SH3D19: variants seen among roughly 807,000 people sequenced by gnomAD.
The protein encoded by SH3D19 is SH3 domain-containing protein 19.
SH3D19 carries 58 observed loss-of-function variants against 112.1 expected under a neutral mutation model. That is an observed-to-expected ratio of 0.52 (90% confidence interval 0.42 to 0.64). SH3D19 has a LOEUF of 0.64. SH3D19 is among the 30% of genes least tolerant of loss of function. SH3D19 has a pLI of 0.00. For missense variants in SH3D19, 1,090 were observed against 1,263.4 expected, an observed-to-expected ratio of 0.86 and a Z score of 2.08; for synonymous variants, 391 against 448.5, an observed-to-expected ratio of 0.87 and a Z score of 1.62.
intron 2 of SH3D19, among the ~76,000 whole-genome samples, chr4:151,210,669 G>A (rs1765827351): frequency 1.3e-5 from 2 of 152,060 alleles, no homozygotes; most frequent in South Asian, 4.1e-4. Flanking sequence ...CCAAAGTGCT[G>A]GGATTACAGG....
At chr4:151,210,383 CTT>C (rs1245871220) in intron 2 of SH3D19, among the ~76,000 whole-genome samples, 2 of 149,962 alleles carry the variant, frequency 1.3e-5, no homozygotes, top group African/African-American at 4.9e-5. Context: ...TGAAAAGAAA[CTT>C]ATATATATCA....
intron 12 of SH3D19, among the ~76,000 whole-genome samples, chr4:151,141,793 A>T (rs1258413349): frequency 1.3e-5 from 2 of 152,238 alleles, no homozygotes; most frequent in Non-Finnish European, 2.9e-5. Context: ...TTTGGAAAAA[A>T]TGATGTCAGA....
intron 2 of SH3D19, among the ~76,000 whole-genome samples, chr4:151,214,249 A>G (rs1245590966): frequency 6.6e-6 from 1 of 151,688 alleles, no homozygotes; most frequent in African/African-American, 2.4e-5. Context: ...ACAAAATGAA[A>G]AGTCTCCCAT....
At chr4:151,195,053 G>A (rs557595244) in intron 2 of SH3D19, among the ~76,000 whole-genome samples, 90 of 134,600 alleles carry the variant, frequency 6.7e-4, no homozygotes, top group African/African-American at 1.8e-3. Context: ...CAGCCTAGGC[G>A]ACAAAGGAAG....
At position 151,286,415 on chromosome 4, in the gene SH3D19, T is replaced by C. The variant is rs780053036; in HGVS notation, c.112+38826A>G. ...GTTAAAAATAAAACTGGGACATTAC[T>C]ACCAACCTTACAGAAATAAAAAGAA... is the stretch of plus-strand genomic sequence containing the variant. On this transcript the variant is annotated intron_variant, in intron 1 of 19. Transcript: ENST00000604030. 4.1e-4 allele frequency among the ~76,000 whole-genome samples: 62 copies of C among 150,912 alleles called. No homozygotes were observed. In the Middle Eastern group the frequency reaches 0.01, roughly 25 times the overall value.
intron 9 of SH3D19, among the ~76,000 whole-genome samples, chr4:151,150,661 A>C (rs2149782227): frequency 6.6e-6 from 1 of 152,290 alleles, no homozygotes; most frequent in South Asian, 2.1e-4. Context: ...TTCGTAGAAA[A>C]GAGGAAAAGA....
chr4:151,123,019 T>G (rs1304187959), intron 19 of SH3D19, among the ~76,000 whole-genome samples: 2 of 151,994 alleles, frequency 1.3e-5, no homozygotes, highest in Non-Finnish European at 2.9e-5. Flanking sequence ...GTCCAGCTAT[T>G]TTTTGTATTT....
rs924407129 is a variant in SH3D19 at position 151,157,440 on chromosome 4, C to A, written c.1755+1800G>T. Among the ~76,000 whole-genome samples the A allele has an allele frequency of 3.9e-3, 449 of 115,398 alleles. 3 individuals carry two copies. The highest frequency in any genetic ancestry group is 6.3e-3 in the Non-Finnish European group (308 of 48,540). 75.7% of individuals were successfully genotyped at this position (115,398 alleles called of 152,430 possible). A position where few individuals can be genotyped will look rare whatever the true frequency, so the allele number is the denominator to read the frequency against. On this transcript the variant is annotated intron_variant, in intron 9 of 19. Transcript: ENST00000604030. ...TTATCTAAAAGATAAAAAAAAAAAA[C>A]AAATGCTGGCAAGAATGCAGAGAAG...
Position 151,174,719 on chromosome 4 carries a change from G to C in SH3D19, c.1485C>G (p.Thr495=). 1 of 1,514,260 alleles carries C rather than the reference G, an allele frequency of 6.6e-7. No homozygotes were observed. The highest frequency in any genetic ancestry group is 8.8e-7 in the Non-Finnish European group (1 of 1,133,220). 93.8% of individuals were successfully genotyped at this position (1,514,260 alleles called of 1,614,324 possible). The change falls in exon 7 of 20, where the codon ACC becomes ACG. Residue 495 remains threonine (T), a synonymous_variant. Transcript: ENST00000604030. ...LISFDDDVLP[T]PSGNLAEESV... ...ATTCTTCAGCCAGGTTCCCCGATGG[G>C]GTGGGCAAAACATCATCATCAAAGC... is the stretch of plus-strand genomic sequence containing the variant.
At chr4:151,215,917 C>A (rs1767006598) in intron 2 of SH3D19, among the ~76,000 whole-genome samples, 1 of 152,078 alleles carries the variant, frequency 6.6e-6, no homozygotes, top group African/African-American at 2.4e-5. Flanking sequence ...CCTCTGCCTC[C>A]CGGGTTCAAG....
intron 1 of SH3D19, among the ~76,000 whole-genome samples, chr4:151,324,785 A>AG (rs933088606): frequency 1.3e-4 from 6 of 46,352 alleles, no homozygotes; most frequent in African/African-American, 3.4e-4. Context: ...GGAGGGAGGG[A>AG]GGGGGGTCAC....
At chr4:151,162,340 T>C (rs1757299846) in intron 8 of SH3D19, among the ~76,000 whole-genome samples, 1 of 152,162 alleles carries the variant, frequency 6.6e-6, no homozygotes, top group African/African-American at 2.4e-5. Flanking sequence ...TTCTTTTTTA[T>C]GGCTGCAGCC....
At chr4:151,153,608 A>T (rs6844546) in intron 9 of SH3D19, among the ~76,000 whole-genome samples, 105,634 of 150,932 alleles carry the variant, frequency 0.7, 41,445 homozygotes, top group Non-Finnish European at 0.88. Context: ...AATTTTTTTT[A>T]AAAAAAAAGG....
intron 1 of SH3D19, among the ~76,000 whole-genome samples, chr4:151,311,996 G>A (rs577297229): frequency 6.6e-6 from 1 of 152,040 alleles, no homozygotes; most frequent in Admixed American, 6.6e-5. Flanking sequence ...TAATAATAAT[G>A]TATTATATTT....
intron 2 of SH3D19, among the ~76,000 whole-genome samples, chr4:151,194,057 G>C (rs1329816677): frequency 7.6e-6 from 1 of 130,722 alleles, no homozygotes. Context: ...TGGTCACTCA[G>C]CTCTGTCACC....
chr4:151,283,599 C>G (rs1045147054), intron 1 of SH3D19, among the ~76,000 whole-genome samples: 1 of 151,002 alleles, frequency 6.6e-6, no homozygotes, highest in African/African-American at 2.4e-5. Flanking sequence ...CTTACTACAG[C>G]CTCCAGCTCC....
chr4:151,214,397 C>A (rs1241511056), intron 2 of SH3D19, among the ~76,000 whole-genome samples: 1 of 90,716 alleles, frequency 1.1e-5, no homozygotes, highest in Admixed American at 1.2e-4. Flanking sequence ...ACCTCCCAGA[C>A]GGGGTGGTGG....
chr4:151,321,885 C>G (rs1442183485), intron 1 of SH3D19, among the ~76,000 whole-genome samples: 1 of 152,196 alleles, frequency 6.6e-6, no homozygotes, highest in Non-Finnish European at 1.5e-5. Flanking sequence ...CCCACATCCT[C>G]TCTTCCTTGT....
chr4:151,258,051 T>A (rs1772076611), intron 1 of SH3D19, among the ~76,000 whole-genome samples: 2 of 152,162 alleles, frequency 1.3e-5, no homozygotes, highest in Non-Finnish European at 2.9e-5. Flanking sequence ...CTTGTCCCCC[T>A]TTTCAAATGA....
Sources: allele counts gnomAD v4.1 joint callset (sites outside exome capture counted in the v4.1 genomes callset), GRCh38; gene constraint gnomAD v4.1.1; transcripts MANE v1.5; gene names NCBI Gene and HGNC (gene_info 2026-07-23, HGNC 2026-07-21).